Variants in PCSK6 observed in about 807,000 individuals in gnomAD.
PCSK6 encodes the protein proprotein convertase subtilisin/kexin type 6.
Under a neutral mutation model 123.3 loss-of-function variants are expected in PCSK6, and 85 were observed. That is an observed-to-expected ratio of 0.69 (90% CI 0.58 to 0.83). The LOEUF is 0.83. Among genes scored for constraint, PCSK6 ranks in the 40% least tolerant of loss-of-function variants. PCSK6 has a pLI of 0.00. For missense variants in PCSK6, 1,191 were observed against 1,282.3 expected (o/e 0.93, Z 1.09); for synonymous variants, 508 against 516.0 (o/e 0.98, Z 0.21).
chr15:101,417,135 T>C (rs1425375812), intron 6 of PCSK6, among the ~76,000 whole-genome samples: 1 of 152,226 alleles, frequency 6.6e-6, no homozygotes, highest in African/African-American at 2.4e-5. Flanking sequence ...AGTGAATAAG[T>C]CTTATGAGAT....
chr15:101,376,684 G>C (rs8035763), intron 11 of PCSK6, among the ~76,000 whole-genome samples: 20,560 of 152,254 alleles, frequency 0.14, 1,892 homozygotes, highest in East Asian at 0.45. Context: ...TTGGGGAAAA[G>C]AAGTTTGCTT....
chr15:101,429,501 G>A (rs894257583), intron 5 of PCSK6, among the ~76,000 whole-genome samples: 16 of 152,210 alleles, frequency 1.1e-4, no homozygotes, highest in Admixed American at 3.9e-4. Context: ...CAGCTCACCC[G>A]GCATGCACGC....
chr15:101,346,635 A>T, intron 13 of PCSK6: 1 of 575,800 alleles, frequency 1.7e-6, no homozygotes, highest in Non-Finnish European at 2.6e-6. Flanking sequence ...CCATGCAGGC[A>T]ACAGGAATGC....
At chr15:101,326,997 G>T (rs2040271064) in intron 15 of PCSK6, among the ~76,000 whole-genome samples, 1 of 152,190 alleles carries the variant, frequency 6.6e-6, no homozygotes, top group African/African-American at 2.4e-5. Context: ...TGGGAATGGG[G>T]ATGGATCTCC....
chr15:101,305,481 G>A lies in PCSK6; in HGVS notation c.2813-126C>T. 7.1e-6 allele frequency: 5 copies of A among 707,474 alleles called. No individual in the cohort carries two copies. The highest frequency in any genetic ancestry group is 1.2e-5 in the Non-Finnish European group (5 of 405,304). The allele number at this position is 707,474 out of a possible 1,614,324, so 43.8% of individuals were successfully genotyped here. ...CCAGCACTTTGGGAGGCCGAGGTGG[G>A]TGGATCACCTGAGGTCAGGAGCTTG... On this transcript the variant is annotated intron_variant, in intron 21 of 21. Transcript: ENST00000611716. The surrounding 1 kb of genome is among the most constrained non-coding windows in gnomAD (Gnocchi z 4.8).
At chr15:101,369,493 TG>T (rs1226541251) in intron 12 of PCSK6, among the ~76,000 whole-genome samples, 1 of 152,206 alleles carries the variant, frequency 6.6e-6, no homozygotes, top group Non-Finnish European at 1.5e-5. Context: ...GGCCTGGTCC[TG>T]GGGGGCTTCC....
intron 1 of PCSK6, among the ~76,000 whole-genome samples, chr15:101,457,432 C>T (rs1233711756): frequency 1.3e-5 from 2 of 152,184 alleles, no homozygotes; most frequent in Non-Finnish European, 2.9e-5. Flanking sequence ...CACGGCCTGG[C>T]ACACAGAGAG....
chr15:101,330,733 A>C (rs921311565), intron 15 of PCSK6, among the ~76,000 whole-genome samples: 1 of 152,250 alleles, frequency 6.6e-6, no homozygotes, highest in African/African-American at 2.4e-5. Flanking sequence ...TGAAGTCAGT[A>C]GCAGATTTTA....
At chr15:101,429,415 C>T (rs1469461055) in intron 5 of PCSK6, among the ~76,000 whole-genome samples, 2 of 152,144 alleles carry the variant, frequency 1.3e-5, no homozygotes, top group African/African-American at 2.4e-5. Context: ...TCACTGACCC[C>T]TCCTGTGACC....
At chr15:101,348,150 C>A (rs368722509) in intron 13 of PCSK6, among the ~76,000 whole-genome samples, 271 of 145,554 alleles carry the variant, frequency 1.9e-3, no homozygotes, top group African/African-American at 5.9e-3. Flanking sequence ...CCCCCGCCCC[C>A]CCGGGGTCCC....
chr15:101,381,474 C>G (rs955429129), intron 11 of PCSK6, among the ~76,000 whole-genome samples: 1 of 152,260 alleles, frequency 6.6e-6, no homozygotes, highest in South Asian at 2.1e-4. Flanking sequence ...AAGCCAGGGC[C>G]CTTCTGCTCG....
intron 9 of PCSK6, among the ~76,000 whole-genome samples, chr15:101,389,039 T>A (rs912058806): frequency 1.3e-5 from 2 of 152,174 alleles, no homozygotes; most frequent in Non-Finnish European, 2.9e-5. Context: ...ATGAGATTAT[T>A]AGGGTGGGCC....
intron 7 of PCSK6, among the ~76,000 whole-genome samples, chr15:101,394,520 G>A (rs971416225): frequency 1.3e-5 from 2 of 152,154 alleles, no homozygotes. Context: ...CGAGAGAAGG[G>A]CCAGCATCCA....
intron 6 of PCSK6, among the ~76,000 whole-genome samples, chr15:101,415,287 G>A (rs1388041444): frequency 6.6e-6 from 1 of 152,194 alleles, no homozygotes; most frequent in African/African-American, 2.4e-5. Context: ...AGGCAGGCAG[G>A]GTAAATGGCT....
intron 9 of PCSK6, among the ~76,000 whole-genome samples, chr15:101,386,932 C>T (rs1456428072): frequency 1.3e-5 from 2 of 152,172 alleles, no homozygotes; most frequent in African/African-American, 2.4e-5. Flanking sequence ...GGCTGCTCTG[C>T]ACACTCCCAC....
At chr15:101,422,831 C>T (rs1170286255) in intron 6 of PCSK6, among the ~76,000 whole-genome samples, 1 of 152,162 alleles carries the variant, frequency 6.6e-6, no homozygotes, top group African/African-American at 2.4e-5. Context: ...CTGTGTTAGC[C>T]AGGATGGTCT....
intron 20 of PCSK6, chr15:101,308,387 T>G (rs1183692370): frequency 6.6e-6 from 1 of 152,362 alleles, no homozygotes; most frequent in East Asian, 1.9e-4. Context: ...GTGTGAAGCC[T>G]TCCCACGCTC....
chr15:101,306,190 C>G (rs554690735), intron 21 of PCSK6, among the ~76,000 whole-genome samples: 1 of 152,024 alleles, frequency 6.6e-6, no homozygotes, highest in Non-Finnish European at 1.5e-5. Flanking sequence ...ACCGCTGCAG[C>G]AAGGGGAAGA....
intron 6 of PCSK6, among the ~76,000 whole-genome samples, chr15:101,403,372 G>A (rs1472886637): frequency 2.0e-5 from 3 of 150,678 alleles, no homozygotes; most frequent in Non-Finnish European, 4.4e-5. Context: ...GTACACATAT[G>A]TAACTAACCT....
Sources: allele counts gnomAD v4.1 joint callset (sites outside exome capture counted in the v4.1 genomes callset), GRCh38; gene constraint gnomAD v4.1.1; non-coding constraint Gnocchi (gnomAD v3.1); transcripts MANE v1.5; gene names NCBI Gene and HGNC (gene_info 2026-07-23, HGNC 2026-07-21).